Variants in SUCLG2 observed in about 807,000 individuals in gnomAD.
The protein encoded by SUCLG2 is succinate--CoA ligase [GDP-forming] subunit beta, mitochondrial.
In SUCLG2, 42 loss-of-function variants were observed where a neutral mutation model predicts 47.9. The observed-to-expected ratio is 0.88, with a 90% confidence interval of 0.69 to 1.14. SUCLG2 has a LOEUF of 1.14. SUCLG2 is among the 50% of genes most tolerant of loss of function. The pLI is 0.00. For missense variants in SUCLG2, 571 were observed against 525.9 expected (o/e 1.09, Z -0.84); for synonymous variants, 195 against 197.3 (o/e 0.99, Z 0.10).
intron 1 of SUCLG2, among the ~76,000 whole-genome samples, chr3:67,631,445 T>C (rs190506539): frequency 6.6e-6 from 1 of 151,970 alleles, no homozygotes; most frequent in East Asian, 1.9e-4. Flanking sequence ...CTTGCCAACA[T>C]GGTGAAACCC....
chr3:67,370,398 G>A (rs1320871458), downstream of SUCLG2, among the ~76,000 whole-genome samples: 1 of 152,174 alleles, frequency 6.6e-6, no homozygotes, highest in Non-Finnish European at 1.5e-5. Context: ...TATCCAGGGA[G>A]CAAGGTTACT....
intron 2 of SUCLG2, among the ~76,000 whole-genome samples, chr3:67,577,645 G>A (rs1207071736): frequency 2.0e-5 from 3 of 152,166 alleles, no homozygotes; most frequent in Admixed American, 2.0e-4. Flanking sequence ...AAATCTGGCA[G>A]CCAAAAGAAT....
At position 67,564,370 on chromosome 3, in the gene SUCLG2, G is replaced by A. The variant is rs553047205; in HGVS notation, c.227-35184C>T. Among the ~76,000 whole-genome samples, 5 of 150,854 alleles carry A rather than the reference G, an allele frequency of 3.3e-5. No individual in the cohort carries two copies. The East Asian group carries it at 7.7e-4, about 23-fold the overall frequency. On this transcript the variant is annotated intron_variant, in intron 2 of 10. Transcript: ENST00000307227. ...TGATCTTTACCTCACACTTTACCTT[G>A]ACTTAGACTTTCAGCAACCTGCAAA...
intron 9 of SUCLG2, among the ~76,000 whole-genome samples, chr3:67,415,308 G>A (rs888591700): frequency 3.3e-5 from 5 of 152,160 alleles, no homozygotes; most frequent in Non-Finnish European, 7.3e-5. Flanking sequence ...GCTACAAAAC[G>A]AGGATTGAAG....
intron 9 of SUCLG2, among the ~76,000 whole-genome samples, chr3:67,456,548 A>G (rs866894794): frequency 4.6e-5 from 7 of 152,332 alleles, no homozygotes; most frequent in Middle Eastern, 6.8e-3. Flanking sequence ...GTGAGGGCAT[A>G]GGGAAAAACA....
At chr3:67,422,643 G>A (rs980426445) in intron 9 of SUCLG2, among the ~76,000 whole-genome samples, 1 of 151,984 alleles carries the variant, frequency 6.6e-6, no homozygotes, top group Admixed American at 6.6e-5. Context: ...ACTTGATGTT[G>A]AGAATGAGAA....
At chr3:67,474,388 A>C (rs1704690509) in intron 9 of SUCLG2, among the ~76,000 whole-genome samples, 1 of 152,198 alleles carries the variant, frequency 6.6e-6, no homozygotes, top group South Asian at 2.1e-4. Flanking sequence ...CCCCCAAATG[A>C]AGCTTATTTG....
At chr3:67,632,708 G>C (rs1338100141) in intron 1 of SUCLG2, among the ~76,000 whole-genome samples, 1 of 152,154 alleles carries the variant, frequency 6.6e-6, no homozygotes, top group African/African-American at 2.4e-5. Flanking sequence ...CATAAGGTAG[G>C]TAAAGGGTGA....
At chr3:67,560,286 G>A (rs1431205614) in intron 2 of SUCLG2, among the ~76,000 whole-genome samples, 1 of 152,202 alleles carries the variant, frequency 6.6e-6, no homozygotes, top group African/African-American at 2.4e-5. Flanking sequence ...AAATTTGGGA[G>A]ACTCTGCTTC....
At chr3:67,635,216 C>T in intron 1 of SUCLG2, among the ~76,000 whole-genome samples, 1 of 152,186 alleles carries the variant, frequency 6.6e-6, no homozygotes, top group East Asian at 1.9e-4. Flanking sequence ...GAGGTAGGAA[C>T]TGTGGCAGAA....
intron 9 of SUCLG2, among the ~76,000 whole-genome samples, chr3:67,419,473 CA>C (rs1317412584): frequency 5.3e-5 from 8 of 152,216 alleles, no homozygotes; most frequent in East Asian, 3.9e-4. Context: ...ATAATATTAA[CA>C]AAAAATTATG....
intron 2 of SUCLG2, among the ~76,000 whole-genome samples, chr3:67,530,192 C>T (rs1706364088): frequency 6.6e-6 from 1 of 152,120 alleles, no homozygotes; most frequent in Non-Finnish European, 1.5e-5. Flanking sequence ...TCAATCTGGC[C>T]TTCATCCCTC....
At chr3:67,441,442 A>G (rs1392362980) in intron 9 of SUCLG2, among the ~76,000 whole-genome samples, 2 of 151,884 alleles carry the variant, frequency 1.3e-5, no homozygotes, top group Non-Finnish European at 2.9e-5. Flanking sequence ...ATGGAGACTC[A>G]TGGGAAGGAA....
intron 9 of SUCLG2, among the ~76,000 whole-genome samples, chr3:67,480,143 GT>G (rs60544084): frequency 0.73 from 110,777 of 151,768 alleles, 40,619 homozygotes; most frequent in Admixed American, 0.82. Context: ...TCTCGGTTTG[GT>G]TAAGAATAGT....
chr3:67,648,713 T>C (rs756618090), intron 1 of SUCLG2, among the ~76,000 whole-genome samples: 1 of 152,182 alleles, frequency 6.6e-6, no homozygotes, highest in African/African-American at 2.4e-5. Context: ...AGTTCTATGA[T>C]TATGAGGACC....
chr3:67,598,215 C>G (rs1022582141), intron 2 of SUCLG2, among the ~76,000 whole-genome samples: 2 of 152,018 alleles, frequency 1.3e-5, no homozygotes, highest in Non-Finnish European at 2.9e-5. Context: ...CTCCTGAACT[C>G]AGGCAACACG....
intron 5 of SUCLG2, among the ~76,000 whole-genome samples, chr3:67,518,604 T>C (rs775678007): frequency 2.6e-5 from 4 of 152,234 alleles, no homozygotes; most frequent in African/African-American, 4.8e-5. Flanking sequence ...TTTTAATTAC[T>C]ATACAGATGG....
intron 1 of SUCLG2, among the ~76,000 whole-genome samples, chr3:67,644,414 A>C (rs1204000758): frequency 1.3e-5 from 2 of 152,174 alleles, no homozygotes; most frequent in Admixed American, 1.3e-4. Context: ...TTTTTAGATA[A>C]GGTTCCTAGA....
chr3:67,552,494 C>T (rs1180525866), intron 2 of SUCLG2, among the ~76,000 whole-genome samples: 3 of 152,222 alleles, frequency 2.0e-5, no homozygotes, highest in South Asian at 4.1e-4. Flanking sequence ...AAAGTAAAGG[C>T]AATACTGGCT....
Sources: gnomAD v4.1 joint callset for allele counts (sites outside exome capture counted in the v4.1 genomes callset) on GRCh38, gnomAD v4.1.1 for gene constraint, MANE v1.5 for transcripts, NCBI Gene and HGNC (gene_info 2026-07-23, HGNC 2026-07-21) for gene names.